Variants in NRG3 observed in about 807,000 individuals in gnomAD.
NRG3 encodes the protein neuregulin 3, also known as pro-neuregulin-3, membrane-bound isoform.
NRG3 carries 31 observed loss-of-function variants against 66.9 expected under a neutral mutation model. The ratio of observed to expected loss-of-function variants is 0.46; its 90% CI spans 0.35 to 0.63. The LOEUF is 0.63. Ranked by LOEUF, NRG3 falls within the 20% of genes least tolerant of loss-of-function variation. The pLI is 0.00. For missense variants in NRG3, 910 were observed against 878.9 expected (o/e 1.04, Z -0.45); for synonymous variants, 393 against 359.4 (o/e 1.09, Z -1.06).
intron 2 of NRG3, among the ~76,000 whole-genome samples, chr10:82,685,143 C>CA (rs1418540724): frequency 6.6e-6 from 1 of 152,112 alleles, no homozygotes; most frequent in African/African-American, 2.4e-5. Flanking sequence ...AGAGGCCCCC[C>CA]CCAAAACTTA....
Position 82,549,560 on chromosome 10 carries a change from G to A in NRG3, c.954-189017G>A, listed in dbSNP as rs548806109. The stretch of plus-strand genomic sequence containing the variant: ...CAATTCCCTTTGCACCTCTTCCTCT[G>A]CCTGAGATTCTGCTATATTACACTC... On this transcript the variant is annotated intron_variant, in intron 2 of 8. Transcript: ENST00000372141. Among the ~76,000 whole-genome samples the A allele has an allele frequency of 2.0e-5, 3 of 152,234 alleles. No individual in the cohort carries two copies. The South Asian group carries it at 6.2e-4, about 32-fold the overall frequency.
chr10:82,167,995 GA>G (rs903155922), intron 1 of NRG3, among the ~76,000 whole-genome samples: 22 of 149,552 alleles, frequency 1.5e-4, no homozygotes, highest in African/African-American at 3.9e-4. Context: ...TTTTTTAAAG[GA>G]AAAAAAAACC....
chr10:82,232,047 C>G (rs1246827856), intron 1 of NRG3, among the ~76,000 whole-genome samples: 2 of 152,120 alleles, frequency 1.3e-5, no homozygotes, highest in East Asian at 3.9e-4. Flanking sequence ...TTTGAAGGCC[C>G]ATTTGCAAAT....
chr10:82,944,594 C>A (rs1349529455), intron 4 of NRG3, among the ~76,000 whole-genome samples: 1 of 152,126 alleles, frequency 6.6e-6, no homozygotes, highest in Non-Finnish European at 1.5e-5. Flanking sequence ...TGTTTTATCC[C>A]TTCAATTTGA....
At chr10:82,324,740 C>T (rs917707230) in intron 1 of NRG3, among the ~76,000 whole-genome samples, 3 of 152,132 alleles carry the variant, frequency 2.0e-5, no homozygotes, top group African/African-American at 7.2e-5. Flanking sequence ...ACTTATTGAT[C>T]TCTAACTTAA....
chr10:82,304,182 G>C (rs1435413466), intron 1 of NRG3, among the ~76,000 whole-genome samples: 3 of 152,120 alleles, frequency 2.0e-5, no homozygotes, highest in Non-Finnish European at 2.9e-5. Context: ...TGGATTTTTA[G>C]AGCCAATCTG....
At chr10:82,936,398 G>A (rs1235840922) in intron 4 of NRG3, among the ~76,000 whole-genome samples, 1 of 152,076 alleles carries the variant, frequency 6.6e-6, no homozygotes, top group Non-Finnish European at 1.5e-5. Flanking sequence ...TCTAAAAAAA[G>A]CTGTTCTCAT....
At chr10:82,109,535 TTGTGTGTGTGTG>T (rs747213240) in intron 1 of NRG3, among the ~76,000 whole-genome samples, 72 of 138,858 alleles carry the variant, frequency 5.2e-4, no homozygotes, top group Non-Finnish European at 7.6e-4. Flanking sequence ...AAGAATAAGA[TTGTGTGTGTGTG>T]TGTGTGTGTG....
intron 1 of NRG3, among the ~76,000 whole-genome samples, chr10:81,956,244 G>T (rs1017621009): frequency 6.6e-6 from 1 of 152,000 alleles, no homozygotes. Flanking sequence ...CTTAGGAGAT[G>T]CTTGCCCTGG....
intron 1 of NRG3, among the ~76,000 whole-genome samples, chr10:82,336,505 ATCTT>A (rs1181396749): frequency 2.0e-5 from 3 of 150,020 alleles, no homozygotes; most frequent in Admixed American, 6.6e-5. Flanking sequence ...CCACACCATT[ATCTT>A]TCTTTCTTTC....
At chr10:82,832,428 A>G (rs2062572691) in intron 3 of NRG3, among the ~76,000 whole-genome samples, 2 of 152,188 alleles carry the variant, frequency 1.3e-5, no homozygotes, top group South Asian at 4.1e-4. Flanking sequence ...TCTAGGTGCC[A>G]TCATTCTGTA....
chr10:81,989,448 C>A (rs894190599), intron 1 of NRG3, among the ~76,000 whole-genome samples: 1 of 151,778 alleles, frequency 6.6e-6, no homozygotes, highest in African/African-American at 2.4e-5. Context: ...GAAGAAATAG[C>A]AAAGAAACGC....
rs2056444949 is a variant in NRG3 at position 82,708,268 on chromosome 10, A to G, written c.954-30309A>G. Among the ~76,000 whole-genome samples the G allele has an allele frequency of 3.3e-5, 5 of 152,076 alleles. No homozygotes were observed. The South Asian group carries it at 1.0e-3, about 31-fold the overall frequency. On this transcript the variant is annotated intron_variant, in intron 2 of 8. Transcript: ENST00000372141. ...TCCCTTTGTCCCTCTGACTATGGTTATAGGTGAGTTTCCCAGGACCATTTT... is the reference window on the plus strand; with the variant it reads ...TCCCTTTGTCCCTCTGACTATGGTTGTAGGTGAGTTTCCCAGGACCATTTT...
At chr10:82,615,429 C>G (rs2048586119) in intron 2 of NRG3, among the ~76,000 whole-genome samples, 1 of 151,920 alleles carries the variant, frequency 6.6e-6, no homozygotes, top group African/African-American at 2.4e-5. Context: ...TATTACTTCA[C>G]CTATAGGCTA....
intron 1 of NRG3, chr10:82,229,041 T>C (rs958367722): frequency 2.6e-5 from 4 of 152,190 alleles, no homozygotes; most frequent in East Asian, 1.9e-4. Flanking sequence ...AAACTAGATA[T>C]AGGAATACAC....
At chr10:82,149,352 A>G (rs2070516845) in intron 1 of NRG3, among the ~76,000 whole-genome samples, 1 of 152,208 alleles carries the variant, frequency 6.6e-6, no homozygotes, top group South Asian at 2.1e-4. Context: ...TGCCATAAAT[A>G]AGAATTAAAA....
At chr10:82,316,042 G>A (rs921678047) in intron 1 of NRG3, among the ~76,000 whole-genome samples, 1 of 152,078 alleles carries the variant, frequency 6.6e-6, no homozygotes, top group African/African-American at 2.4e-5. Context: ...ATTCAGTTCT[G>A]ACCACAAGCA....
intron 1 of NRG3, among the ~76,000 whole-genome samples, chr10:81,940,188 A>G (rs529583502): frequency 6.6e-6 from 1 of 152,226 alleles, no homozygotes; most frequent in South Asian, 2.1e-4. Context: ...GCTATAGGAT[A>G]TGATTTATCT....
In NRG3 at chr10:82,840,609, G is replaced by C. The variant is rs368599823; in HGVS notation, c.1028-24802G>C. The stretch of plus-strand genomic sequence containing the variant: ...TTGACAAAGTCAAAGTTATTAAAGA[G>C]AATATCGTAACTGCTATAAGAAAGC... On this transcript the variant is annotated intron_variant, in intron 3 of 8. Coordinates refer to ENST00000372141, the MANE Select transcript of NRG3 (RefSeq NM_001010848.4). Among the ~76,000 whole-genome samples the C allele has an allele frequency of 5.0e-4, 76 of 152,208 alleles. 1 individual carries two copies. Among genetic ancestry groups the C allele is most frequent in the African/African-American group, 1.7e-3 (69 of 41,530 alleles).
Sources: gnomAD v4.1 joint callset for allele counts (sites outside exome capture counted in the v4.1 genomes callset) on GRCh38, gnomAD v4.1.1 for gene constraint, MANE v1.5 for transcripts, NCBI Gene and HGNC (gene_info 2026-07-23, HGNC 2026-07-21) for gene names.